DNAH7: variants seen among roughly 807,000 people sequenced by gnomAD.
DNAH7 encodes dynein axonemal heavy chain 7.
In DNAH7, 397 loss-of-function variants were observed where a neutral mutation model predicts 444.6. That is an observed-to-expected ratio of 0.89 (90% CI 0.82 to 0.97). The LOEUF is 0.97. Ranked by LOEUF, DNAH7 falls within the 50% of genes least tolerant of loss-of-function variation. DNAH7 has a pLI of 0.00. For missense variants in DNAH7, 4,902 were observed against 4,800.8 expected (o/e 1.02, Z -0.62); for synonymous variants, 1,636 against 1,624.4 (o/e 1.01, Z -0.17).
intron 49 of DNAH7, among the ~76,000 whole-genome samples, chr2:195,822,157 G>A (rs1416057085): frequency 6.6e-6 from 1 of 152,134 alleles, no homozygotes; most frequent in African/African-American, 2.4e-5. Flanking sequence ...CTACTGCTTT[G>A]CCATTTATTC....
chr2:195,782,989 A>G (rs954549785), intron 58 of DNAH7, among the ~76,000 whole-genome samples: 1 of 152,126 alleles, frequency 6.6e-6, no homozygotes, highest in African/African-American at 2.4e-5. Flanking sequence ...CTTGAGTTTT[A>G]TATCTATATG....
At chr2:195,885,117 CAT>C (rs1055222465) in intron 34 of DNAH7, among the ~76,000 whole-genome samples, 12 of 152,158 alleles carry the variant, frequency 7.9e-5, no homozygotes, top group African/African-American at 2.9e-4. Context: ...TTAAAAGGAA[CAT>C]AGAAATAAAT....
chr2:195,999,065 C>T (rs1425328141), intron 12 of DNAH7: 2 of 715,292 alleles, frequency 2.8e-6, no homozygotes, highest in Admixed American at 2.0e-5. Context: ...GGAAACAAAG[C>T]CTCAAGGTCG....
At chr2:196,065,039 T>G (rs1484137439) in intron 1 of DNAH7, among the ~76,000 whole-genome samples, 1 of 152,198 alleles carries the variant, frequency 6.6e-6, no homozygotes, top group Non-Finnish European at 1.5e-5. Flanking sequence ...ATAAAAAAAT[T>G]TGTATTATAT....
At chr2:195,802,183 T>C (rs1696494252) in intron 54 of DNAH7, among the ~76,000 whole-genome samples, 1 of 152,210 alleles carries the variant, frequency 6.6e-6, no homozygotes, top group South Asian at 2.1e-4. Flanking sequence ...TTATTTTATG[T>C]TTCAGGTTTT....
At chr2:196,008,744 AT>A (rs1410084376) in intron 10 of DNAH7, among the ~76,000 whole-genome samples, 2 of 152,228 alleles carry the variant, frequency 1.3e-5, no homozygotes, top group African/African-American at 2.4e-5. Context: ...GACAAAAAAA[AT>A]ATTAGCATAG....
chr2:195,746,759 C>T (rs1186345105), intron 63 of DNAH7, among the ~76,000 whole-genome samples: 4 of 152,052 alleles, frequency 2.6e-5, no homozygotes, highest in African/African-American at 4.8e-5. Context: ...GGGTACATAA[C>T]GAAATGAAGG....
At chr2:195,911,807 C>T (rs1431520251) in intron 24 of DNAH7, among the ~76,000 whole-genome samples, 1 of 152,136 alleles carries the variant, frequency 6.6e-6, no homozygotes, top group Non-Finnish European at 1.5e-5. Flanking sequence ...TGATAGAGCT[C>T]ATTACTTGCA....
At chr2:195,841,865 G>C (rs1419480581) in intron 47 of DNAH7, among the ~76,000 whole-genome samples, 1 of 151,902 alleles carries the variant, frequency 6.6e-6, no homozygotes, top group African/African-American at 2.4e-5. Flanking sequence ...AGAGAGGATT[G>C]TTATTTGGTG....
At position 195,809,726 on chromosome 2, in the gene DNAH7, A is replaced by C; in HGVS notation, c.9888+19T>G. The C allele has an allele frequency of 6.6e-7, 1 of 1,504,270 alleles. No homozygotes were observed. The highest frequency in any genetic ancestry group is 8.9e-7 in the Non-Finnish European group (1 of 1,128,500). 93.2% of individuals were successfully genotyped at this position (1,504,270 alleles called of 1,614,324 possible). ...GCGTTATTAAGGGTTTTTTTCTTAC[A>C]AATGAAAACAGTACTGACCGCCCGC... On this transcript the variant is annotated intron_variant, in intron 52 of 64. Transcript: ENST00000312428.
At chr2:195,904,712 G>C (rs1346717858) in intron 27 of DNAH7, 3 of 152,308 alleles carry the variant, frequency 2.0e-5, no homozygotes. Flanking sequence ...GGAGCAGCAA[G>C]GTGTGGCAGG....
At chr2:195,875,579 C>T in intron 38 of DNAH7, 96 bp downstream of exon 38, 1 of 1,151,712 alleles carries the variant, frequency 8.7e-7, no homozygotes. Flanking sequence ...ATACACAAAA[C>T]ACTGCAACTC....
chr2:195,852,870 G>T (rs1574567985), intron 46 of DNAH7, among the ~76,000 whole-genome samples: 2 of 150,210 alleles, frequency 1.3e-5, no homozygotes, highest in African/African-American at 2.5e-5. Context: ...TATTGAGACT[G>T]ATAGGAAACA....
At chr2:195,986,974 C>T (rs1692951537) in intron 14 of DNAH7, 92 bp downstream of exon 14, 1 of 1,133,644 alleles carries the variant, frequency 8.8e-7, no homozygotes, top group African/African-American at 1.6e-5. Flanking sequence ...TCATTTATGG[C>T]ATTGCTTTAA....
At chr2:195,962,733 C>T (rs78485155) in intron 17 of DNAH7, among the ~76,000 whole-genome samples, 1 of 152,222 alleles carries the variant, frequency 6.6e-6, no homozygotes, top group East Asian at 1.9e-4. Flanking sequence ...TTTTTGTACC[C>T]ACTCAACGTT....
In DNAH7 at chr2:195,922,073, A is replaced by T. The variant is rs1178330578; in HGVS notation, c.3935+15T>A. The T allele has an allele frequency of 2.1e-6, 3 of 1,458,438 alleles. No homozygotes were observed. In the African/African-American group the frequency reaches 4.2e-5, roughly 20 times the overall value. The allele number at this position is 1,458,438 out of a possible 1,614,324, so 90.3% of individuals were successfully genotyped here. A position where few individuals can be genotyped will look rare whatever the true frequency, so the allele number is the denominator to read the frequency against. Reference sequence around the variant, plus strand: ...GAAAGTTATTTCCAATAGATCCTTAAATTAAAGGGTTTACCTGTAACATCT... The same window carrying T: ...GAAAGTTATTTCCAATAGATCCTTATATTAAAGGGTTTACCTGTAACATCT... On this transcript the variant is annotated intron_variant, in intron 24 of 64. Transcript: ENST00000312428.
In DNAH7 at chr2:195,771,851, C is replaced by G. The variant is rs767963243; in HGVS notation, c.11242G>C (p.Val3748Leu). The G allele has an allele frequency of 6.2e-7, 1 of 1,614,180 alleles. No individual in the cohort carries two copies. Among genetic ancestry groups the G allele is most frequent in the Non-Finnish European group, 8.5e-7 (1 of 1,180,028 alleles). ...AGAGAKSSDE[V>L]VNEVASDILG... ...ATGTCACTAGCGACCTCATTCACTA[C>G]TTCATCTGATGATTTTGCACCAGCA... is the stretch of plus-strand genomic sequence containing the variant. Residue 3748 changes from valine (V) to leucine (L), a missense_variant, in exon 61 of 65, where the codon GTA becomes CTA. Physicochemically the swap from Val to Leu is conservative, Grantham distance 32. Coordinates refer to ENST00000312428, the MANE Select transcript of DNAH7 (RefSeq NM_018897.3).
chr2:195,946,048 C>A (rs143066472), intron 19 of DNAH7, among the ~76,000 whole-genome samples: 2 of 152,042 alleles, frequency 1.3e-5, no homozygotes, highest in African/African-American at 4.8e-5. Flanking sequence ...TGGTCAGTCA[C>A]CCGGTGTGCT....
chr2:195,923,162 C>A (rs1278048344), intron 23 of DNAH7, among the ~76,000 whole-genome samples: 1 of 152,158 alleles, frequency 6.6e-6, no homozygotes, highest in African/African-American at 2.4e-5. Flanking sequence ...CCATGCCCAG[C>A]AATGAGAGGA....
Sources: gnomAD v4.1 joint callset for allele counts (sites outside exome capture counted in the v4.1 genomes callset) on GRCh38, gnomAD v4.1.1 for gene constraint, MANE v1.5 for transcripts, NCBI Gene and HGNC (gene_info 2026-07-23, HGNC 2026-07-21) for gene names.